Variants in DOCK8 observed in about 807,000 individuals in gnomAD.
The protein encoded by DOCK8 is dedicator of cytokinesis 8, also known as dedicator of cytokinesis protein 8.
Under a neutral mutation model 245.6 loss-of-function variants are expected in DOCK8, and 141 were observed. The ratio of observed to expected loss-of-function variants is 0.57; its 90% CI spans 0.50 to 0.66. The LOEUF (loss-of-function observed/expected upper bound fraction) is 0.66. DOCK8 is among the 30% of genes least tolerant of loss of function. DOCK8 has a pLI of 0.00. For synonymous variants in DOCK8, 1,168 were observed against 970.2 expected, an observed-to-expected ratio of 1.20 and a Z score of -3.79; for missense variants, 2,965 against 2,603.4, an observed-to-expected ratio of 1.14 and a Z score of -3.02.
intron 1 of DOCK8, among the ~76,000 whole-genome samples, chr9:240,721 A>G (rs1313346278): frequency 1.3e-5 from 2 of 152,128 alleles, no homozygotes; most frequent in Non-Finnish European, 2.9e-5. Flanking sequence ...TACTTGTGCC[A>G]GGCACTGTGT....
At chr9:360,896 G>A (rs182609705) in intron 14 of DOCK8, among the ~76,000 whole-genome samples, 12 of 152,212 alleles carry the variant, frequency 7.9e-5, no homozygotes, top group African/African-American at 2.9e-4. Context: ...ACAGTGGCTT[G>A]GGCTTGTAAT....
At chr9:234,690 G>A (rs550958992) in intron 1 of DOCK8, among the ~76,000 whole-genome samples, 9 of 151,984 alleles carry the variant, frequency 5.9e-5, no homozygotes, top group South Asian at 2.1e-4. Context: ...TGGTCACATC[G>A]GCTACTGAGG....
At chr9:231,939 A>C (rs2047127868) in intron 1 of DOCK8, among the ~76,000 whole-genome samples, 1 of 152,152 alleles carries the variant, frequency 6.6e-6, no homozygotes, top group African/African-American at 2.4e-5. Context: ...ATTATGTTGA[A>C]TAGGAGGTGA....
chr9:213,062 A>G (rs2046645241), upstream of DOCK8: 1 of 152,210 alleles, frequency 6.6e-6, no homozygotes, highest in Non-Finnish European at 1.5e-5. Flanking sequence ...GTTTGCTCAT[A>G]AATTCCAATG....
At position 217,314 on chromosome 9, in the gene DOCK8, T is replaced by C. The variant is rs185254392; in HGVS notation, c.53+2285T>C. 3.9e-5 allele frequency among the ~76,000 whole-genome samples: 6 copies of C among 152,278 alleles called. No homozygotes were observed. The East Asian group carries it at 1.2e-3, about 29-fold the overall frequency. ...AAGATAGAAAGGTAGGAAGGAAAGCTGAAGTTGGAGAGCTTCAGGCAGAGA... is the reference window on the plus strand; with the variant it reads ...AAGATAGAAAGGTAGGAAGGAAAGCCGAAGTTGGAGAGCTTCAGGCAGAGA... On this transcript the variant is annotated intron_variant, in intron 1 of 47. Transcript: ENST00000432829.
At chr9:439,144 G>C (rs184006658) in intron 39 of DOCK8, 101 bp from the exon 40 acceptor site, 176 of 1,463,292 alleles carry the variant, frequency 1.2e-4, no homozygotes, top group Non-Finnish European at 1.5e-4. Flanking sequence ...TCTTGGTAAG[G>C]ATCTGCACAC....
chr9:225,068 C>T (rs2046962480), intron 1 of DOCK8, among the ~76,000 whole-genome samples: 1 of 152,204 alleles, frequency 6.6e-6, no homozygotes. Flanking sequence ...AATAATTTCA[C>T]TCAAATCAAC....
chr9:459,892 C>A (rs923174969), intron 46 of DOCK8: 1 of 152,226 alleles, frequency 6.6e-6, no homozygotes. Flanking sequence ...GAGAGAGAGA[C>A]AGAGGCCATA....
At chr9:361,459 A>G (rs2052726244) in intron 14 of DOCK8, among the ~76,000 whole-genome samples, 1 of 152,218 alleles carries the variant, frequency 6.6e-6, no homozygotes, top group Non-Finnish European at 1.5e-5. Context: ...GCAGCTTTCA[A>G]GCAGTTCTTA....
chr9:419,804 C>T (rs757146668), intron 30 of DOCK8, among the ~76,000 whole-genome samples: 5 of 152,218 alleles, frequency 3.3e-5, no homozygotes, highest in Non-Finnish European at 5.9e-5. Flanking sequence ...TGAACCCCCA[C>T]ACCCCAGCCC....
intron 45 of DOCK8, among the ~76,000 whole-genome samples, chr9:451,025 A>G (rs578202996): frequency 6.6e-6 from 1 of 152,268 alleles, no homozygotes; most frequent in East Asian, 1.9e-4. Flanking sequence ...ATAAAATAAT[A>G]TTCGGCGCCA....
chr9:225,028 A>G (rs1026491360), intron 1 of DOCK8, among the ~76,000 whole-genome samples: 1 of 152,198 alleles, frequency 6.6e-6, no homozygotes, highest in Admixed American at 6.5e-5. Context: ...TGGGGTATCC[A>G]ATTTACCTCC....
intron 2 of DOCK8, among the ~76,000 whole-genome samples, chr9:280,189 G>C (rs2048517590): frequency 2.6e-5 from 4 of 152,088 alleles, no homozygotes. Flanking sequence ...TTTAAGCTTT[G>C]GTGATATTTC....
intron 14 of DOCK8, among the ~76,000 whole-genome samples, chr9:364,765 A>T (rs550018425): frequency 6.6e-6 from 1 of 151,962 alleles, no homozygotes; most frequent in Admixed American, 6.6e-5. Flanking sequence ...TCTTTTCTTT[A>T]TACTTTTATG....
intron 4 of DOCK8, among the ~76,000 whole-genome samples, chr9:301,451 A>G (rs1047230448): frequency 2.8e-4 from 43 of 152,202 alleles, no homozygotes; most frequent in African/African-American, 9.7e-4. Context: ...AAGGATGCCT[A>G]CTCTCACCAC....
At chr9:273,390 T>C (rs1251781128) in intron 2 of DOCK8, among the ~76,000 whole-genome samples, 1 of 152,202 alleles carries the variant, frequency 6.6e-6, no homozygotes, top group Non-Finnish European at 1.5e-5. Flanking sequence ...ATAAATTAGA[T>C]ATGCTTATTG....
rs961142704 is a variant in DOCK8, at chr9:441,759, A to C, written c.5356-116A>C. The C allele has an allele frequency of 3.8e-5, 51 of 1,333,800 alleles. 1 individual carries two copies. The Admixed American group carries it at 1.0e-3, about 27-fold the overall frequency. 82.6% of individuals were successfully genotyped at this position (1,333,800 alleles called of 1,614,324 possible). On this transcript the variant is annotated intron_variant, in intron 41 of 47. Coordinates refer to ENST00000432829, the MANE Select transcript of DOCK8 (RefSeq NM_203447.4). The stretch of plus-strand genomic sequence containing the variant: ...TTTTTAAGGAGTAATTTCTGTTTAC[A>C]TCAGCCATAGGAGTAAAATGCTTTG...
chr9:463,110 G>A (rs1365356992), intron 46 of DOCK8, among the ~76,000 whole-genome samples: 1 of 151,962 alleles, frequency 6.6e-6, no homozygotes, highest in Non-Finnish European at 1.5e-5. Context: ...GACATTTCTG[G>A]GCCAGAAGCA....
intron 1 of DOCK8, among the ~76,000 whole-genome samples, chr9:256,407 A>T (rs2047776503): frequency 6.6e-6 from 1 of 152,180 alleles, no homozygotes; most frequent in African/African-American, 2.4e-5. Flanking sequence ...CCGGTACCCA[A>T]TTCGTTTCTG....
Sources: gnomAD v4.1 joint callset for allele counts (sites outside exome capture counted in the v4.1 genomes callset) on GRCh38, gnomAD v4.1.1 for gene constraint, MANE v1.5 for transcripts, NCBI Gene and HGNC (gene_info 2026-07-23, HGNC 2026-07-21) for gene names.